PGBD5: variants seen among roughly 807,000 people sequenced by gnomAD.
PGBD5 encodes piggyBac transposable element derived 5.
In PGBD5, 14 loss-of-function variants were observed where a neutral mutation model predicts 47.9. The observed-to-expected ratio is 0.29, with a 90% CI of 0.19 to 0.46. PGBD5 has a LOEUF of 0.46. PGBD5 is among the 20% of genes least tolerant of loss of function. PGBD5 has a pLI of 1.00. For missense variants in PGBD5, 635 were observed against 716.0 expected (o/e 0.89, Z 1.29); for synonymous variants, 316 against 306.3 (o/e 1.03, Z -0.33).
intron 1 of PGBD5, among the ~76,000 whole-genome samples, chr1:230,370,197 G>C (rs1459730821): frequency 6.6e-6 from 1 of 152,218 alleles, no homozygotes; most frequent in African/African-American, 2.4e-5. Flanking sequence ...AGACAGGGCA[G>C]GGCGCTACCT....
chr1:230,325,229 A>G, intron 6 of PGBD5, 81 bp downstream of exon 6: 1 of 1,034,528 alleles, frequency 9.7e-7, no homozygotes, highest in East Asian at 2.4e-5. Context: ...TGGGGAAACT[A>G]GTGATCATCT....
intron 5 of PGBD5, among the ~76,000 whole-genome samples, chr1:230,327,750 T>C (rs1175493548): frequency 6.6e-6 from 1 of 152,216 alleles, no homozygotes; most frequent in Non-Finnish European, 1.5e-5. Context: ...GGGCCTGCAG[T>C]GCCCAAGGAC....
At chr1:230,332,044 A>C in intron 5 of PGBD5, among the ~76,000 whole-genome samples, 6 of 139,626 alleles carry the variant, frequency 4.3e-5, no homozygotes, top group African/African-American at 8.3e-5. Flanking sequence ...CACCACACAC[A>C]GCACACACAA....
At chr1:230,374,839 G>T (rs138438350) in intron 1 of PGBD5, among the ~76,000 whole-genome samples, 163 of 152,246 alleles carry the variant, frequency 1.1e-3, no homozygotes, top group African/African-American at 3.6e-3. Flanking sequence ...CTGCCTCAGC[G>T]TCAACTTATA....
intron 3 of PGBD5, among the ~76,000 whole-genome samples, chr1:230,348,599 C>T (rs1433849849): frequency 6.6e-6 from 1 of 152,232 alleles, no homozygotes; most frequent in East Asian, 1.9e-4. Flanking sequence ...GCCCAGGCTG[C>T]TGACCTTCAA....
chr1:230,385,113 C>T (rs954569193), intron 1 of PGBD5, among the ~76,000 whole-genome samples: 2 of 151,586 alleles, frequency 1.3e-5, no homozygotes, highest in African/African-American at 4.9e-5. Context: ...TATATTCACA[C>T]CCAGCGTTGG....
chr1:230,339,833 G>A (rs1390981928), intron 3 of PGBD5, among the ~76,000 whole-genome samples: 1 of 152,182 alleles, frequency 6.6e-6, no homozygotes, highest in Admixed American at 6.5e-5. Flanking sequence ...GTGGTTACGG[G>A]GCTGGGGGAT....
At position 230,365,238 on chromosome 1, in the gene PGBD5, A is replaced by G. The variant is rs1159260208; in HGVS notation, c.332-7917T>C. ...TGAGGCTGGAGAATTGCTTGAACTC[A>G]GGAGGCAGAAGTTGCAGTGAGCTGA... is the stretch of plus-strand genomic sequence containing the variant. On this transcript the variant is annotated intron_variant, in intron 1 of 6. Coordinates refer to ENST00000391860, the MANE Select transcript of PGBD5 (RefSeq NM_001258311.2). Among the ~76,000 whole-genome samples the G allele has an allele frequency of 1.5e-3, 190 of 126,044 alleles. No homozygotes were observed. In the Middle Eastern group the frequency reaches 0.029, roughly 19 times the overall value. The allele number at this position is 126,044 out of a possible 152,430, so 82.7% of individuals were successfully genotyped here. A position where few individuals can be genotyped will look rare whatever the true frequency, so the allele number is the denominator to read the frequency against.
chr1:230,332,091 T>C (rs1667229803), intron 5 of PGBD5, among the ~76,000 whole-genome samples: 1 of 1,896 alleles, frequency 5.3e-4, no homozygotes, highest in Non-Finnish European at 1.2e-3. Flanking sequence ...CACACGTACA[T>C]GTGAGAGCAC....
At chr1:230,369,274 G>C (rs1667891018) in intron 1 of PGBD5, among the ~76,000 whole-genome samples, 1 of 152,240 alleles carries the variant, frequency 6.6e-6, no homozygotes, top group Non-Finnish European at 1.5e-5. Context: ...CAATGTCAAG[G>C]TTATACATTA....
chr1:230,349,988 C>T (rs905017703), intron 3 of PGBD5, among the ~76,000 whole-genome samples: 9 of 151,036 alleles, frequency 6.0e-5, no homozygotes, highest in Admixed American at 2.0e-4. Flanking sequence ...CCGGAGCAAG[C>T]GCACTTTCCC....
At chr1:230,401,309 C>T (rs907402927) in intron 1 of PGBD5, among the ~76,000 whole-genome samples, 3 of 152,194 alleles carry the variant, frequency 2.0e-5, no homozygotes, top group Non-Finnish European at 2.9e-5. Flanking sequence ...GCGCTCATGG[C>T]GGGTCAGCAT....
intron 5 of PGBD5, among the ~76,000 whole-genome samples, chr1:230,328,871 T>A (rs1558190500): frequency 6.6e-6 from 1 of 152,188 alleles, no homozygotes; most frequent in Non-Finnish European, 1.5e-5. Flanking sequence ...AAGGTGGATT[T>A]CGAAAGAAAA....
At chr1:230,381,740 T>A (rs1465393797) in intron 1 of PGBD5, among the ~76,000 whole-genome samples, 1 of 152,092 alleles carries the variant, frequency 6.6e-6, no homozygotes, top group East Asian at 1.9e-4. Flanking sequence ...GGAGCCGCCG[T>A]CTGTGTTCTC....
At position 230,316,323 on chromosome 1, in the gene PGBD5, G is replaced by GTGT. The variant is rs1666950538; in HGVS notation, c.*7099_*7101dup. 6.6e-6 allele frequency: 1 copy of GTGT among 152,634 alleles called. No individual in the cohort carries two copies. The highest frequency in any genetic ancestry group is 1.5e-5 in the Non-Finnish European group (1 of 68,026). The allele number at this position is 152,634 out of a possible 1,614,324, so 9.5% of individuals were successfully genotyped here. A position where few individuals can be genotyped will look rare whatever the true frequency, so the allele number is the denominator to read the frequency against. ...CAAAGTCACACTATCCTATGGCCTT[G>GTGT]TGTTTAGATGGAGCAAAGCAACTAA... On this transcript the variant is annotated 3_prime_UTR_variant, in exon 7 of 7. Coordinates refer to ENST00000391860, the MANE Select transcript of PGBD5 (RefSeq NM_001258311.2).
At chr1:230,403,266 C>A (rs776360678) in intron 1 of PGBD5, among the ~76,000 whole-genome samples, 2 of 152,200 alleles carry the variant, frequency 1.3e-5, no homozygotes, top group South Asian at 2.1e-4. Context: ...AATACTTAAA[C>A]CTAAGTGTGA....
At chr1:230,401,716 G>A (rs981861577) in intron 1 of PGBD5, among the ~76,000 whole-genome samples, 5 of 152,204 alleles carry the variant, frequency 3.3e-5, no homozygotes, top group African/African-American at 1.2e-4. Context: ...GAGCCCTCAG[G>A]CCTCCGGCCA....
chr1:230,418,075 T>C (rs958272148), intron 1 of PGBD5, among the ~76,000 whole-genome samples: 1 of 152,204 alleles, frequency 6.6e-6, no homozygotes, highest in Admixed American at 6.5e-5. Flanking sequence ...CTGAACGTCC[T>C]GCAGTGCTCA....
At chr1:230,332,819 G>A in intron 5 of PGBD5, 25 bp downstream of exon 5, 1 of 1,613,866 alleles carries the variant, frequency 6.2e-7, no homozygotes, top group South Asian at 1.1e-5. Context: ...GCGCCCCACT[G>A]TGTCAATGGC....
Sources: gnomAD v4.1 joint callset for allele counts (sites outside exome capture counted in the v4.1 genomes callset) on GRCh38, gnomAD v4.1.1 for gene constraint, MANE v1.5 for transcripts, NCBI Gene and HGNC (gene_info 2026-07-23, HGNC 2026-07-21) for gene names.